Variants in ADGRE2 observed in about 807,000 individuals in gnomAD.
ADGRE2 encodes adhesion G protein-coupled receptor E2.
ADGRE2 carries 83 observed loss-of-function variants against 100.8 expected under a neutral mutation model. The ratio of observed to expected loss-of-function variants is 0.82; its 90% CI spans 0.69 to 0.99. The LOEUF (loss-of-function observed/expected upper bound fraction) is 0.99. Among genes scored for constraint, ADGRE2 ranks in the 50% least tolerant of loss-of-function variants. The pLI is 0.00. For missense variants in ADGRE2, 814 were observed against 1,035.7 expected (o/e 0.79, Z 2.94); for synonymous variants, 355 against 413.0 (o/e 0.86, Z 1.70).
downstream of ADGRE2, chr19:14,731,247 C>G (rs1599768014): frequency 1.4e-6 from 2 of 1,471,390 alleles, no homozygotes; most frequent in East Asian, 2.5e-5. Context: ...AATCCAACCT[C>G]TGGATATCAA....
chr19:14,746,373 C>CACTT, intron 17 of ADGRE2, 50 bp from the exon 18 acceptor site: 1 of 940,994 alleles, frequency 1.1e-6, no homozygotes, highest in Non-Finnish European at 1.6e-6. Flanking sequence ...AACCTGTTAT[C>CACTT]TCTTTTTTTT....
At position 14,772,820 on chromosome 19, in the gene ADGRE2, C is replaced by T. The variant is rs2044259308; in HGVS notation, c.200-323G>A. Among the ~76,000 whole-genome samples the T allele has an allele frequency of 2.0e-5, 3 of 151,456 alleles. No individual in the cohort carries two copies. The Admixed American group carries it at 2.0e-4, about 10-fold the overall frequency. ...GGCAGCCGGGTGCAGTGGCTCATAC[C>T]TGTAATCCCAGCACTTTGGGAGGCC... is the stretch of plus-strand genomic sequence containing the variant. On this transcript the variant is annotated intron_variant, in intron 4 of 20. Transcript: ENST00000315576.
rs1196856023 is a variant in ADGRE2 at position 14,764,723 on chromosome 19, A to C, written c.907-113T>G. 4.2e-6 allele frequency: 5 copies of C among 1,193,810 alleles called. No homozygotes were observed. In the East Asian group the frequency reaches 1.2e-4, roughly 30 times the overall value. 74.0% of individuals were successfully genotyped at this position (1,193,810 alleles called of 1,614,324 possible). The stretch of plus-strand genomic sequence containing the variant: ...CTAGAGACTGTCTATCTGGGGGATG[A>C]AGATGGCATTGGCGGCTGGGCGCGG... On this transcript the variant is annotated intron_variant, in intron 10 of 20. Coordinates refer to ENST00000315576, the MANE Select transcript of ADGRE2 (RefSeq NM_013447.4).
At chr19:14,770,365 A>T (rs555101237) in intron 5 of ADGRE2, among the ~76,000 whole-genome samples, 2 of 152,296 alleles carry the variant, frequency 1.3e-5, no homozygotes, top group East Asian at 3.9e-4. Flanking sequence ...CACCAGAAGC[A>T]GATGCTGGAG....
intron 2 of ADGRE2, among the ~76,000 whole-genome samples, chr19:14,775,729 A>C (rs1483082089): frequency 1.3e-5 from 2 of 151,810 alleles, no homozygotes; most frequent in African/African-American, 4.8e-5. Context: ...GCGTGGTGGC[A>C]GACTCCTGTT....
downstream of ADGRE2, chr19:14,731,129 TCTCTTCTCTTTCC>T: frequency 6.6e-7 from 1 of 1,524,324 alleles, no homozygotes; most frequent in Non-Finnish European, 8.8e-7. Context: ...TCATTCAATT[TCTCTTCTCTTTCC>T]CTCATTCTTC....
chr19:14,727,465 G>T (rs543164740), downstream of ADGRE2, among the ~76,000 whole-genome samples: 46 of 152,310 alleles, frequency 3.0e-4, no homozygotes, highest in African/African-American at 1.1e-3. Flanking sequence ...ACATCACATA[G>T]TGAGACCAGG....
intron 14 of ADGRE2, among the ~76,000 whole-genome samples, chr19:14,754,175 T>G (rs2043398643): frequency 6.6e-6 from 1 of 152,080 alleles, no homozygotes; most frequent in Admixed American, 6.6e-5. Flanking sequence ...CTCCAAGTTC[T>G]TCAGTTCTGG....
rs151047685 is a variant in ADGRE2, at chr19:14,773,758, C to T, written c.199+180G>A. 0.039 allele frequency among the ~76,000 whole-genome samples: 5,986 copies of T among 151,846 alleles called. 164 individuals are homozygous for T. Among genetic ancestry groups the T allele is most frequent in the South Asian group, 0.13 (625 of 4,820 alleles). Reference sequence around the variant, plus strand: ...AATTCCTGGCCTCAAATGATCCACCCGCCTCTGCCTCCCAAAGTGCTGGGA... The same window carrying T: ...AATTCCTGGCCTCAAATGATCCACCTGCCTCTGCCTCCCAAAGTGCTGGGA... On this transcript the variant is annotated intron_variant, in intron 4 of 20. Transcript: ENST00000315576.
In ADGRE2 at chr19:14,773,938, C is replaced by T. The variant is rs765071211; in HGVS notation, c.199G>A (p.Asp67Asn). The change falls in exon 4 of 21, where the codon GAC (aspartate) becomes AAC (asparagine). Residue 67 changes from aspartate to asparagine, a missense_variant and splice_region_variant. Coordinates refer to ENST00000315576, the MANE Select transcript of ADGRE2 (RefSeq NM_013447.4). ...IITTPMETCD[D>N]INECATLSKV... ...CTGCGCTGCCCTCAAGCCTCTGTAC[C>T]GTCACAAGTCTCCATGGGGGTGGTG... The T allele has an allele frequency of 3.5e-5, 56 of 1,613,858 alleles. No homozygotes were observed. The highest frequency in any genetic ancestry group is 9.3e-5 in the African/African-American group (7 of 74,922).
In ADGRE2 at chr19:14,743,409, C is replaced by T. The variant is rs750461791; in HGVS notation, c.2463+11G>A. 3.1e-5 allele frequency: 50 copies of T among 1,610,250 alleles called. 1 individual carries two copies. In the Middle Eastern group the frequency reaches 5.0e-4, roughly 16 times the overall value. The stretch of plus-strand genomic sequence containing the variant: ...GTTAGTGAAGTGCTCTGGAGCAATG[C>T]GTGATCTTACCGTGCTGGGTTTGGA... On this transcript the variant is annotated intron_variant, in intron 20 of 20. Transcript: ENST00000315576.
At chr19:14,742,525 G>A (rs1028187010) in intron 20 of ADGRE2, among the ~76,000 whole-genome samples, 2 of 152,100 alleles carry the variant, frequency 1.3e-5, no homozygotes, top group Admixed American at 6.6e-5. Context: ...AGCCACCATC[G>A]CTGGCCCCAT....
intron 2 of ADGRE2, 56 bp from the exon 3 acceptor site, chr19:14,774,362 G>A (rs978418293): frequency 2.3e-5 from 30 of 1,293,116 alleles, no homozygotes; most frequent in South Asian, 5.7e-5. Context: ...GAAAGGAGGC[G>A]TAAGGGTGAT....
At chr19:14,748,753 G>A (rs1049584878) in intron 16 of ADGRE2, among the ~76,000 whole-genome samples, 1 of 152,054 alleles carries the variant, frequency 6.6e-6, no homozygotes, top group African/African-American at 2.4e-5. Context: ...AACCAAAAAC[G>A]GAAAAAGAGG....
chr19:14,754,870 A>G, intron 14 of ADGRE2, 84 bp downstream of exon 14: 1 of 1,448,572 alleles, frequency 6.9e-7, no homozygotes, highest in Non-Finnish European at 9.4e-7. Context: ...GATAATGCAT[A>G]TATTTTTTTA....
At chr19:14,764,734 G>T in intron 10 of ADGRE2, 124 bp from the exon 11 acceptor site, 1 of 1,063,152 alleles carries the variant, frequency 9.4e-7, no homozygotes. Flanking sequence ...AGATGGCATT[G>T]GCGGCTGGGC....
intron 20 of ADGRE2, among the ~76,000 whole-genome samples, chr19:14,739,425 G>A (rs1175828301): frequency 6.6e-6 from 1 of 152,046 alleles, no homozygotes; most frequent in Non-Finnish European, 1.5e-5. Flanking sequence ...GCCTTTGTTG[G>A]CTATCTGATG....
intron 5 of ADGRE2, chr19:14,769,057 C>T (rs1401115254): frequency 6.6e-6 from 1 of 152,180 alleles, no homozygotes; most frequent in Non-Finnish European, 1.5e-5. Flanking sequence ...GTGAGCTCAT[C>T]GAATATCCTG....
chr19:14,740,469 A>G (rs1362324878), intron 20 of ADGRE2, among the ~76,000 whole-genome samples: 2 of 151,834 alleles, frequency 1.3e-5, no homozygotes, highest in Non-Finnish European at 2.9e-5. Flanking sequence ...TAAAAATACA[A>G]AATTAGCCAG....
Sources: allele counts gnomAD v4.1 joint callset (sites outside exome capture counted in the v4.1 genomes callset), GRCh38; gene constraint gnomAD v4.1.1; transcripts MANE v1.5; gene names NCBI Gene and HGNC (gene_info 2026-07-23, HGNC 2026-07-21).